The following INPP5A variants were observed in gnomAD, a reference collection of about 807,000 sequenced individuals.
The protein encoded by INPP5A is 43 kDa inositol polyphosphate 5-phophatase.
INPP5A carries 14 observed loss-of-function variants against 65.2 expected under a neutral mutation model. The observed-to-expected ratio is 0.21, with a 90% CI of 0.14 to 0.34. The LOEUF is 0.34. Ranked by LOEUF, INPP5A falls within the 10% of genes least tolerant of loss-of-function variation. The pLI, the probability that INPP5A is intolerant of heterozygous loss-of-function variation, is 1.00. For missense variants in INPP5A, 431 were observed against 545.6 expected (o/e 0.79, Z 2.09); for synonymous variants, 207 against 208.3 (o/e 0.99, Z 0.05).
intron 4 of INPP5A, among the ~76,000 whole-genome samples, chr10:132,654,470 A>G (rs1022670616): frequency 9.9e-5 from 15 of 152,172 alleles, no homozygotes; most frequent in Admixed American, 2.6e-4. Flanking sequence ...CCCCTGGGCC[A>G]CCACTGGCTG....
chr10:132,573,574 ATGT>A (rs1240853310), intron 1 of INPP5A, among the ~76,000 whole-genome samples: 5 of 127,624 alleles, frequency 3.9e-5, no homozygotes, highest in Admixed American at 2.4e-4. Context: ...TTTTGTTGAG[ATGT>A]TGGGGTGTGT....
intron 4 of INPP5A, among the ~76,000 whole-genome samples, chr10:132,685,026 A>T (rs140322495): frequency 6.6e-6 from 1 of 152,350 alleles, no homozygotes; most frequent in East Asian, 1.9e-4. Context: ...ATATCTTATG[A>T]AGTTTTTCTT....
At chr10:132,771,881 GACA>G (rs1453606683) in intron 12 of INPP5A, among the ~76,000 whole-genome samples, 4 of 98,862 alleles carry the variant, frequency 4.0e-5, no homozygotes, top group East Asian at 2.7e-4. Context: ...CGAAGAGTGG[GACA>G]GACACTCAGC....
chr10:132,694,923 C>T (rs916159880), intron 5 of INPP5A, among the ~76,000 whole-genome samples: 2 of 152,108 alleles, frequency 1.3e-5, no homozygotes, highest in Non-Finnish European at 1.5e-5. Flanking sequence ...AAGCATCAGA[C>T]CAAATGGTTT....
chr10:132,604,242 G>T (rs573265611), intron 1 of INPP5A, among the ~76,000 whole-genome samples: 1 of 145,384 alleles, frequency 6.9e-6, no homozygotes, highest in African/African-American at 2.6e-5. Context: ...ATGCTGTCAC[G>T]GTCCCCTCTC....
chr10:132,720,748 T>A (rs2134563908), intron 8 of INPP5A, among the ~76,000 whole-genome samples: 1 of 149,646 alleles, frequency 6.7e-6, no homozygotes, highest in East Asian at 2.0e-4. Flanking sequence ...TCTGGGCGCC[T>A]TAGACGGCTG....
intron 6 of INPP5A, among the ~76,000 whole-genome samples, chr10:132,700,151 C>T (rs576785270): frequency 4.6e-5 from 7 of 152,362 alleles, no homozygotes; most frequent in Admixed American, 2.0e-4. Flanking sequence ...CAGTGTTGTG[C>T]AGTGTTGTGT....
Position 132,753,239 on chromosome 10 carries a change from G to T in INPP5A, c.903+3394G>T, listed in dbSNP as rs999198566. 2.6e-5 allele frequency among the ~76,000 whole-genome samples: 4 copies of T among 152,182 alleles called. No homozygotes were observed. The highest frequency in any genetic ancestry group is 4.8e-5 in the African/African-American group (2 of 41,452). On this transcript the variant is annotated intron_variant, in intron 11 of 15. Coordinates refer to ENST00000368594, the MANE Select transcript of INPP5A (RefSeq NM_005539.5). The surrounding 1 kb of genome is among the most constrained non-coding windows in gnomAD (Gnocchi z 5.3). ...TTGGCAGTTGTCCCCATCGACGGAG[G>T]GTCAAGGTGGTCGGACGGGGAGCCT...
intron 1 of INPP5A, among the ~76,000 whole-genome samples, chr10:132,573,807 T>C (rs1425048315): frequency 1.5e-5 from 2 of 132,628 alleles, no homozygotes; most frequent in Admixed American, 7.4e-5. Context: ...TTGAGGTGTG[T>C]GTGCCGTGTG....
At chr10:132,710,713 C>G (rs1845621121) in intron 8 of INPP5A, among the ~76,000 whole-genome samples, 1 of 145,372 alleles carries the variant, frequency 6.9e-6, no homozygotes, top group African/African-American at 2.6e-5. Context: ...GGTAGGTGTG[C>G]TGGGCAGGTA....
intron 4 of INPP5A, among the ~76,000 whole-genome samples, chr10:132,671,779 G>A (rs766863779): frequency 2.6e-5 from 4 of 152,174 alleles, no homozygotes; most frequent in Non-Finnish European, 5.9e-5. Context: ...TGTCTTCCCC[G>A]TGTCACAGAT....
Position 132,596,957 on chromosome 10 carries a change from ATG to A in INPP5A, c.76-10953_76-10952del, listed in dbSNP as rs1300593830. Among the ~76,000 whole-genome samples, 412 of 119,442 alleles carry A rather than the reference ATG, an allele frequency of 3.4e-3. 1 individual carries two copies. The highest frequency in any genetic ancestry group is 0.013 in the African/African-American group (400 of 31,190). 78.4% of individuals were successfully genotyped at this position (119,442 alleles called of 152,430 possible). A position where few individuals can be genotyped will look rare whatever the true frequency, so the allele number is the denominator to read the frequency against. On this transcript the variant is annotated intron_variant, in intron 1 of 15. Transcript: ENST00000368594. Reference sequence around the variant, plus strand: ...CACGCATGTGTGCGTGTGTGCACACATGTGTGCGTGTGTGCATGCGTGTGTGC... The same window carrying A: ...CACGCATGTGTGCGTGTGTGCACACATGTGCGTGTGTGCATGCGTGTGTGC...
At chr10:132,578,381 G>A (rs1219772262) in intron 1 of INPP5A, among the ~76,000 whole-genome samples, 3 of 151,836 alleles carry the variant, frequency 2.0e-5, no homozygotes, top group Admixed American at 6.6e-5. Flanking sequence ...TGCATGTGGA[G>A]CACCTCGGCC....
chr10:132,653,421 A>C (rs950824576), intron 4 of INPP5A, among the ~76,000 whole-genome samples: 1 of 151,780 alleles, frequency 6.6e-6, no homozygotes, highest in Admixed American at 6.6e-5. Context: ...TGGCGTGCGT[A>C]TCTGGGCATC....
Position 132,781,964 on chromosome 10 carries a change from C to T in INPP5A, c.*7+16C>T, listed in dbSNP as rs1379794433. On this transcript the variant is annotated intron_variant, in intron 15 of 15. Transcript: ENST00000368594. ...TGACGTGGTGGTAAATATGACTCCT[C>T]CCTCCAGTTCAGCTTTTACGCAGCT... The T allele has an allele frequency of 6.2e-7, 1 of 1,612,332 alleles. No homozygotes were observed. Among genetic ancestry groups the T allele is most frequent in the Non-Finnish European group, 8.5e-7 (1 of 1,178,704 alleles).
chr10:132,737,619 C>T (rs1010153187), intron 9 of INPP5A, among the ~76,000 whole-genome samples: 1 of 152,168 alleles, frequency 6.6e-6, no homozygotes, highest in Non-Finnish European at 1.5e-5. Context: ...CCTGCCAGCT[C>T]CTCAGCCACA....
In INPP5A at chr10:132,550,303, G is replaced by A. The variant is rs899633039; in HGVS notation, c.75+12132G>A. ...GGGATGTAATGAGGCTGCTCGGGGG[G>A]CTGTCTCAGGCCTCTGGCCAGTAGT... is the stretch of plus-strand genomic sequence containing the variant. On this transcript the variant is annotated intron_variant, in intron 1 of 15. Transcript: ENST00000368594. This position sits in a 1 kb window ranked among gnomAD's most constrained non-coding sequence, Gnocchi z 4.2. Among the ~76,000 whole-genome samples, 1 of 152,210 alleles carries A rather than the reference G, an allele frequency of 6.6e-6. No individual in the cohort carries two copies. Among genetic ancestry groups the A allele is most frequent in the Non-Finnish European group, 1.5e-5 (1 of 68,024 alleles).
chr10:132,701,586 G>A (rs965086149), intron 6 of INPP5A, among the ~76,000 whole-genome samples: 3 of 152,266 alleles, frequency 2.0e-5, no homozygotes, highest in Non-Finnish European at 2.9e-5. Context: ...CAGGACGCCC[G>A]TCTCTGCCTC....
chr10:132,766,469 G>C (rs1043071104), intron 12 of INPP5A, among the ~76,000 whole-genome samples: 8 of 152,270 alleles, frequency 5.3e-5, no homozygotes, highest in African/African-American at 1.9e-4. Flanking sequence ...TGTGTGCCTG[G>C]GTTTGAATGT....
Sources: allele counts gnomAD v4.1 joint callset (sites outside exome capture counted in the v4.1 genomes callset), GRCh38; gene constraint gnomAD v4.1.1; non-coding constraint Gnocchi (gnomAD v3.1); transcripts MANE v1.5; gene names NCBI Gene and HGNC (gene_info 2026-07-23, HGNC 2026-07-21).